Variants in LMLN observed in about 807,000 individuals in gnomAD.
The protein encoded by LMLN is leishmanolysin like peptidase, also known as leishmanolysin-like peptidase.
LMLN carries 70 observed loss-of-function variants against 92.3 expected under a neutral mutation model. The observed-to-expected ratio is 0.76, with a 90% confidence interval of 0.63 to 0.92. The LOEUF is 0.92. Ranked by LOEUF, LMLN falls within the 40% of genes least tolerant of loss-of-function variation. The pLI is 0.00. For synonymous variants in LMLN, 308 were observed against 296.2 expected (o/e 1.04, Z -0.41); for missense variants, 691 against 814.6 (o/e 0.85, Z 1.85).
chr3:197,976,761 T>C, intron 5 of LMLN, 46 bp downstream of exon 5: 1 of 986,044 alleles, frequency 1.0e-6, no homozygotes, highest in Non-Finnish European at 1.4e-6. Flanking sequence ...TGAGGAGATT[T>C]TGAATTTGTG....
At chr3:198,011,421 G>A (rs1722435745) in intron 11 of LMLN, among the ~76,000 whole-genome samples, 1 of 151,956 alleles carries the variant, frequency 6.6e-6, no homozygotes, top group South Asian at 2.1e-4. Flanking sequence ...ATGGTTTCCA[G>A]CTTCATCCAT....
At chr3:197,976,264 AG>A in intron 4 of LMLN, 153 bp downstream of exon 4, 1 of 531,082 alleles carries the variant, frequency 1.9e-6, no homozygotes, top group East Asian at 3.2e-5. Context: ...AGAATAAAAA[AG>A]CACCTGCTGG....
At chr3:197,970,090 T>C (rs1220810407) in intron 1 of LMLN, among the ~76,000 whole-genome samples, 1 of 151,994 alleles carries the variant, frequency 6.6e-6, no homozygotes, top group Non-Finnish European at 1.5e-5. Context: ...AGGCGGAGGT[T>C]GCAGTGAGCC....
exon 6 of LMLN, chr3:197,980,436 C>T (rs566428236): frequency 8.7e-6 from 14 of 1,613,864 alleles, no homozygotes; most frequent in African/African-American, 4.0e-5. Flanking sequence ...CTCTGGCCAC[C>T]GAGAGATGCA....
At chr3:197,990,632 A>G (rs142387994) in exon 9 of LMLN, 25 of 1,603,630 alleles carry the variant, frequency 1.6e-5, no homozygotes, top group Non-Finnish European at 2.1e-5. Flanking sequence ...AGATAATAAG[A>G]TAGTTCGTCA....
In LMLN at chr3:197,992,051, G is replaced by A. The variant is rs569071787; in HGVS notation, c.1047+1375G>A. On this transcript the variant is annotated intron_variant, in intron 9 of 15. Transcript: ENST00000330198. ...TAATTTTTGTATTTTTAGTAGAGAC[G>A]GGGGTTTCACCATGTTGGTCAGGGT... Among the ~76,000 whole-genome samples, 194 of 148,478 alleles carry A rather than the reference G, an allele frequency of 1.3e-3. 3 individuals carry two copies. Among genetic ancestry groups the A allele is most frequent in the East Asian group, 2.8e-3 (14 of 5,052 alleles).
chr3:197,974,074 C>G (rs1721301714), intron 1 of LMLN, among the ~76,000 whole-genome samples: 1 of 152,182 alleles, frequency 6.6e-6, no homozygotes, highest in African/African-American at 2.4e-5. Context: ...TCAAAATTGG[C>G]TAAACTAGAA....
chr3:198,029,819 A>C (rs1488461637), intron 14 of LMLN, among the ~76,000 whole-genome samples: 1 of 151,458 alleles, frequency 6.6e-6, no homozygotes, highest in Admixed American at 6.6e-5. Flanking sequence ...GAGACTTACT[A>C]TTTGCTTTCT....
chr3:197,976,048 C>T lies in LMLN; in HGVS notation c.368C>T (p.Ala123Val), dbSNP rs1229856682. The T allele has an allele frequency of 5.6e-6, 9 of 1,598,074 alleles. No individual in the cohort carries two copies. Among genetic ancestry groups the T allele is most frequent in the South Asian group, 1.1e-5 (1 of 88,934 alleles). The stretch of plus-strand genomic sequence containing the variant: ...ATTTAGAACAAGCTTTTCCCACAAG[C>T]GATTTCTTATTTAGAGAAGACTTTT... Residue 123 changes from alanine to valine, a missense_variant, in exon 4 of 16, where the codon GCG (alanine) becomes GTG (valine). Coordinates refer to ENST00000330198, the Ensembl canonical transcript of LMLN.
At chr3:197,984,432 A>G (rs1361205252) in intron 7 of LMLN, among the ~76,000 whole-genome samples, 1 of 152,108 alleles carries the variant, frequency 6.6e-6, no homozygotes, top group Non-Finnish European at 1.5e-5. Flanking sequence ...TGAAAAATGA[A>G]CAATACTGAA....
intron 2 of LMLN, 95 bp from the exon 3 acceptor site, chr3:197,974,947 A>AG: frequency 1.3e-6 from 1 of 794,714 alleles, no homozygotes; most frequent in Admixed American, 2.1e-5. Context: ...AGCAGGCCCA[A>AG]GGCCTGCTGG....
rs535275944 is a variant in LMLN, at chr3:197,975,344, T to C, written c.348+272T>C. Reference sequence around the variant, plus strand: ...TCTCAAGTTTTTGGGGAGCAAATCATGCAGAGAATAGGGTGAAAAACAATT... The same window carrying C: ...TCTCAAGTTTTTGGGGAGCAAATCACGCAGAGAATAGGGTGAAAAACAATT... On this transcript the variant is annotated intron_variant, in intron 3 of 15. Transcript: ENST00000330198. Among the ~76,000 whole-genome samples the C allele has an allele frequency of 7.3e-5, 11 of 151,200 alleles. No individual in the cohort carries two copies. The East Asian group carries it at 1.9e-3, about 26-fold the overall frequency.
At chr3:198,007,290 T>C (rs528356153) in intron 11 of LMLN, among the ~76,000 whole-genome samples, 2 of 152,342 alleles carry the variant, frequency 1.3e-5, no homozygotes, top group South Asian at 2.1e-4. Flanking sequence ...CTTATGTTTT[T>C]TTCAAAAGTT....
At chr3:197,965,813 G>T (rs1721042479) in intron 1 of LMLN, among the ~76,000 whole-genome samples, 1 of 152,144 alleles carries the variant, frequency 6.6e-6, no homozygotes, top group Non-Finnish European at 1.5e-5. Flanking sequence ...ACTTGGTGGG[G>T]CTGAGGTGGG....
chr3:197,986,301 A>G (rs1721704954), intron 8 of LMLN, among the ~76,000 whole-genome samples: 1 of 152,168 alleles, frequency 6.6e-6, no homozygotes. Flanking sequence ...CTCTACAAAA[A>G]AATACAAAAA....
Position 198,038,585 on chromosome 3 carries a change from C to A in LMLN, c.1886C>A (p.Ser629Ter). 6.2e-7 allele frequency: 1 copy of A among 1,613,846 alleles called. No individual in the cohort carries two copies. Among genetic ancestry groups the A allele is most frequent in the Non-Finnish European group, 8.5e-7 (1 of 1,179,762 alleles). ...ACTCTAGATCTTTGTTCCTGTTCCTCGAGCCTGGTGGTCACCCTCTGGCTT... is the reference window on the plus strand; with the variant it reads ...ACTCTAGATCTTTGTTCCTGTTCCTAGAGCCTGGTGGTCACCCTCTGGCTT... The change falls in exon 16 of 16, where the codon TCG (serine) becomes TAG (stop). Residue 629 changes from serine (S) to a stop codon, truncating the protein, a stop_gained. Coordinates refer to ENST00000330198, the Ensembl canonical transcript of LMLN. LOFTEE classifies it high-confidence loss of function.
chr3:198,029,790 G>A (rs2109950347), intron 14 of LMLN, among the ~76,000 whole-genome samples: 1 of 152,142 alleles, frequency 6.6e-6, no homozygotes, highest in East Asian at 1.9e-4. Flanking sequence ...TTGTTTTGTT[G>A]GGGGTGGAGG....
At chr3:198,006,792 A>T (rs1303294678) in intron 11 of LMLN, among the ~76,000 whole-genome samples, 1 of 151,760 alleles carries the variant, frequency 6.6e-6, no homozygotes, top group African/African-American at 2.4e-5. Context: ...GGCTCACTGT[A>T]ACCTCTGCCT....
At chr3:198,027,277 T>C (rs1722958639) in intron 14 of LMLN, among the ~76,000 whole-genome samples, 1 of 145,530 alleles carries the variant, frequency 6.9e-6, no homozygotes, top group Non-Finnish European at 1.5e-5. Flanking sequence ...ACAGATCACC[T>C]ACCTTGCCTC....
Sources: gnomAD v4.1 joint callset for allele counts (sites outside exome capture counted in the v4.1 genomes callset) on GRCh38, gnomAD v4.1.1 for gene constraint, MANE v1.5 for transcripts, NCBI Gene and HGNC (gene_info 2026-07-23, HGNC 2026-07-21) for gene names.